The following LRRC27 variants were observed in gnomAD, a reference collection of about 807,000 sequenced individuals.
The protein encoded by LRRC27 is leucine rich repeat containing 27.
In LRRC27, 57 loss-of-function variants were observed where a neutral mutation model predicts 55.0. That is an observed-to-expected ratio of 1.04 (90% CI 0.84 to 1.29). LRRC27 has a LOEUF of 1.29. LRRC27 is among the 50% of genes most tolerant of loss of function. The pLI, the probability that LRRC27 is intolerant of heterozygous loss-of-function variation, is 0.00. For synonymous variants in LRRC27, 278 were observed against 251.9 expected (o/e 1.10, Z -0.98); for missense variants, 721 against 651.5 (o/e 1.11, Z -1.16).
rs779231343 is a variant in LRRC27 at position 132,348,171 on chromosome 10, G to A, written c.741G>A (p.Ala247=). 9.9e-6 allele frequency: 16 copies of A among 1,614,070 alleles called. No homozygotes were observed. In the Admixed American group the frequency reaches 2.0e-4, roughly 20 times the overall value. ...ACCTGAGTGAACTCAGGAAGTCTGC[G>A]GACTCCTCAGAGAACTGGCCCAGCG... ...KPDLSELRKS[A]DSSENWPSEE... is the part of the protein sequence containing the mutation. Residue 247 remains alanine, a synonymous_variant, in exon 6 of 11, where the codon GCG becomes GCA. Coordinates refer to ENST00000368614, the MANE Select transcript of LRRC27 (RefSeq NM_030626.3). This position sits in a 1 kb window ranked among gnomAD's most constrained non-coding sequence, Gnocchi z 4.2.
At chr10:132,368,957 G>C (rs899836739) in intron 10 of LRRC27, among the ~76,000 whole-genome samples, 3 of 151,668 alleles carry the variant, frequency 2.0e-5, no homozygotes, top group Admixed American at 6.6e-5. Flanking sequence ...CAACAAAAAG[G>C]AGCAAACAAG....
chr10:132,366,773 C>A lies in LRRC27; in HGVS notation c.1416+1223C>A. ...GCACTGTCACGGGGGAGGAAGCAAC[C>A]CTGGCCTTCCTGTCCCCACACCCCA... On this transcript the variant is annotated intron_variant, in intron 10 of 10. Coordinates refer to ENST00000368614, the MANE Select transcript of LRRC27 (RefSeq NM_030626.3). 1.8e-6 allele frequency: 2 copies of A among 1,116,000 alleles called. 1 individual carries two copies. Among genetic ancestry groups the A allele is most frequent in the South Asian group, 3.2e-5 (2 of 61,714 alleles). 69.1% of individuals were successfully genotyped at this position (1,116,000 alleles called of 1,614,324 possible).
upstream of LRRC27, chr10:132,330,433 G>C: frequency 1.4e-6 from 1 of 717,246 alleles, no homozygotes; most frequent in South Asian, 1.5e-5. Flanking sequence ...GCTCTGCCCG[G>C]GTGGCTGGCC....
chr10:132,367,112 A>G, intron 10 of LRRC27: 2 of 551,834 alleles, frequency 3.6e-6, no homozygotes, highest in Non-Finnish European at 4.7e-6. Context: ...ACAAAAGTCG[A>G]TTTGGTATTA....
chr10:132,364,651 CACTT>C (rs1299282733), intron 9 of LRRC27, among the ~76,000 whole-genome samples: 1 of 104,894 alleles, frequency 9.5e-6, no homozygotes, highest in East Asian at 2.5e-4. Flanking sequence ...CACCCACCCA[CACTT>C]ACATCTACCT....
chr10:132,361,563 G>A lies in LRRC27; in HGVS notation c.1277G>A (p.Ser426Asn), dbSNP rs945569366. ...KPSKEKSPQA[S>N]KEMSALQERN... is the part of the protein sequence containing the mutation. Reference sequence around the variant, plus strand: ...AGCAAAGAGAAATCGCCACAAGCAAGTAAAGAAATGAGGTTGGTAACTGCA... The same window carrying A: ...AGCAAAGAGAAATCGCCACAAGCAAATAAAGAAATGAGGTTGGTAACTGCA... Residue 426 changes from serine (S) to asparagine (N), a missense_variant, in exon 9 of 11, where the codon AGT becomes AAT. Ser to Asn is a conservative substitution (Grantham distance 46, BLOSUM62 1). Coordinates refer to ENST00000368614, the MANE Select transcript of LRRC27 (RefSeq NM_030626.3). 1 of 1,613,018 alleles carries A rather than the reference G, an allele frequency of 6.2e-7. No individual in the cohort carries two copies. Among genetic ancestry groups the A allele is most frequent in the Non-Finnish European group, 8.5e-7 (1 of 1,179,254 alleles).
At chr10:132,352,832 A>G (rs984053927) in intron 7 of LRRC27, 28 of 1,601,210 alleles carry the variant, frequency 1.7e-5, no homozygotes, top group Non-Finnish European at 2.3e-5. Flanking sequence ...CTTCCTCACG[A>G]CACCTGCCTG....
chr10:132,355,931 G>T, intron 8 of LRRC27, 45 bp downstream of exon 8: 1 of 1,374,938 alleles, frequency 7.3e-7, no homozygotes, highest in South Asian at 1.2e-5. Context: ...CCAGTCCCGG[G>T]GGTGGGTGGG....
At chr10:132,368,511 A>G (rs909951996) in intron 10 of LRRC27, among the ~76,000 whole-genome samples, 4 of 152,238 alleles carry the variant, frequency 2.6e-5, no homozygotes, top group African/African-American at 9.6e-5. Context: ...ACACAAATAT[A>G]GTTAACTGAG....
intron 8 of LRRC27, among the ~76,000 whole-genome samples, chr10:132,357,954 A>G (rs1248056658): frequency 6.6e-6 from 1 of 152,202 alleles, no homozygotes; most frequent in Non-Finnish European, 1.5e-5. Flanking sequence ...GCCCTGGGTG[A>G]GGCAGCTGAA....
At chr10:132,369,893 T>G (rs549919224) in intron 10 of LRRC27, among the ~76,000 whole-genome samples, 1 of 152,272 alleles carries the variant, frequency 6.6e-6, no homozygotes, top group African/African-American at 2.4e-5. Context: ...TGCAGAGCAG[T>G]GGGGCCATGA....
intron 4 of LRRC27, among the ~76,000 whole-genome samples, chr10:132,343,409 C>G (rs913142601): frequency 6.6e-6 from 1 of 152,148 alleles, no homozygotes; most frequent in African/African-American, 2.4e-5. Flanking sequence ...TGGCTGGAAC[C>G]CTTACACAGT....
rs983149075 is a variant in LRRC27, at chr10:132,378,581, A to C, written c.*3339A>C. 1 of 151,422 alleles carries C rather than the reference A, an allele frequency of 6.6e-6. No homozygotes were observed. Among genetic ancestry groups the C allele is most frequent in the African/African-American group, 2.4e-5 (1 of 41,106 alleles). 9.4% of individuals were successfully genotyped at this position (151,422 alleles called of 1,614,324 possible). The stretch of plus-strand genomic sequence containing the variant: ...GCACGTCTCTTCTGTCATGTGTTCT[A>C]TTTTTCATTCCTCTCTGTACATCAG... On this transcript the variant is annotated 3_prime_UTR_variant, in exon 11 of 11. Coordinates refer to ENST00000368614, the MANE Select transcript of LRRC27 (RefSeq NM_030626.3).
intron 9 of LRRC27, 141 bp from the exon 10 acceptor site, chr10:132,365,283 C>G (rs2069013123): frequency 8.6e-7 from 1 of 1,162,970 alleles, no homozygotes; most frequent in Non-Finnish European, 1.3e-6. Context: ...GCCACAGTAA[C>G]TGGCACAGCT....
intron 9 of LRRC27, among the ~76,000 whole-genome samples, chr10:132,365,174 T>G (rs1219872775): frequency 2.0e-5 from 3 of 152,260 alleles, no homozygotes; most frequent in Admixed American, 2.0e-4. Context: ...GTGTGTGTTC[T>G]GGCAGCTTCT....
chr10:132,337,055 C>A (rs934345425), intron 2 of LRRC27: 55 of 1,294,786 alleles, frequency 4.2e-5, no homozygotes, highest in Non-Finnish European at 5.0e-5. Context: ...GCTTTGTTTG[C>A]TGCTGATCGT....
chr10:132,337,180 C>A lies in LRRC27; in HGVS notation c.211-385C>A, dbSNP rs1333757958. On this transcript the variant is annotated intron_variant, in intron 2 of 10. Transcript: ENST00000368614. Reference sequence around the variant, plus strand: ...TCTGGCTATTTGCTCAGTAAGCAGGCGATTTCGGGGGCTGCCGAGGGCCAG... The same window carrying A: ...TCTGGCTATTTGCTCAGTAAGCAGGAGATTTCGGGGGCTGCCGAGGGCCAG... 5 of 1,170,642 alleles carry A rather than the reference C, an allele frequency of 4.3e-6. No homozygotes were observed. The South Asian group carries it at 1.1e-4, about 26-fold the overall frequency. The allele number at this position is 1,170,642 out of a possible 1,614,324, so 72.5% of individuals were successfully genotyped here.
chr10:132,364,467 A>G (rs1431342188), intron 9 of LRRC27, among the ~76,000 whole-genome samples: 32 of 79,466 alleles, frequency 4.0e-4, no homozygotes, highest in Non-Finnish European at 5.1e-4. Flanking sequence ...ACACCCACCC[A>G]CACTTACACC....
At chr10:132,367,441 T>C (rs1331627007) in intron 10 of LRRC27, among the ~76,000 whole-genome samples, 2 of 152,138 alleles carry the variant, frequency 1.3e-5, no homozygotes, top group African/African-American at 2.4e-5. Context: ...TACAAAGATA[T>C]TACAAGAAAG....
Sources: allele counts gnomAD v4.1 joint callset (sites outside exome capture counted in the v4.1 genomes callset), GRCh38; gene constraint gnomAD v4.1.1; non-coding constraint Gnocchi (gnomAD v3.1); transcripts MANE v1.5; gene names NCBI Gene and HGNC (gene_info 2026-07-23, HGNC 2026-07-21).